Variants in GRID2 observed in about 807,000 individuals in gnomAD.
GRID2 encodes the protein glutamate receptor ionotropic, delta-2.
Under a neutral mutation model 114.8 loss-of-function variants are expected in GRID2, and 33 were observed. The ratio of observed to expected loss-of-function variants is 0.29; its 90% CI spans 0.22 to 0.38. The LOEUF (loss-of-function observed/expected upper bound fraction) is 0.38. GRID2 is among the 10% of genes least tolerant of loss of function. The pLI is 1.00. For missense variants in GRID2, 1,184 were observed against 1,257.7 expected, an observed-to-expected ratio of 0.94 and a Z score of 0.89; for synonymous variants, 505 against 449.9, an observed-to-expected ratio of 1.12 and a Z score of -1.55.
At chr4:93,720,821 T>C (rs1385509620) in intron 14 of GRID2, among the ~76,000 whole-genome samples, 3 of 152,348 alleles carry the variant, frequency 2.0e-5, no homozygotes, top group East Asian at 1.9e-4. Context: ...ATGATGGGAC[T>C]AATAGATACC....
chr4:93,738,490 A>C (rs1487011653), intron 14 of GRID2, among the ~76,000 whole-genome samples: 1 of 152,156 alleles, frequency 6.6e-6, no homozygotes, highest in East Asian at 1.9e-4. Flanking sequence ...GTGGAGGCGC[A>C]ACAAGAGGGT....
At chr4:93,469,541 G>T (rs1171326742) in intron 11 of GRID2, among the ~76,000 whole-genome samples, 1 of 151,460 alleles carries the variant, frequency 6.6e-6, no homozygotes, top group African/African-American at 2.4e-5. Context: ...GCATTCTTTT[G>T]CTTCACTCAC....
chr4:92,602,841 G>T (rs537509471), intron 2 of GRID2, among the ~76,000 whole-genome samples: 1 of 152,154 alleles, frequency 6.6e-6, no homozygotes, highest in Non-Finnish European at 1.5e-5. Context: ...AAGCTAATAA[G>T]CAACTTCAAC....
intron 9 of GRID2, among the ~76,000 whole-genome samples, chr4:93,420,788 C>A (rs1768193494): frequency 6.6e-6 from 1 of 151,466 alleles, no homozygotes. Context: ...CAGTCTCACT[C>A]TGTTGCCCAG....
chr4:93,028,468 T>C (rs888456676), intron 2 of GRID2, among the ~76,000 whole-genome samples: 2 of 151,994 alleles, frequency 1.3e-5, no homozygotes, highest in African/African-American at 4.8e-5. Context: ...AAAGGTAAAT[T>C]ACCTAGCGCC....
chr4:93,768,365 C>G (rs1733843718), intron 14 of GRID2, among the ~76,000 whole-genome samples: 1 of 152,162 alleles, frequency 6.6e-6, no homozygotes, highest in Non-Finnish European at 1.5e-5. Flanking sequence ...CTAGGCTGGC[C>G]TCAGGTAGAG....
chr4:93,018,208 C>T (rs1578763892), intron 2 of GRID2, among the ~76,000 whole-genome samples: 1 of 125,102 alleles, frequency 8.0e-6, no homozygotes, highest in Non-Finnish European at 1.6e-5. Context: ...TTTAAGTTCC[C>T]AGTGTATTTT....
intron 10 of GRID2, among the ~76,000 whole-genome samples, chr4:93,440,513 G>A (rs1475202837): frequency 6.6e-6 from 1 of 151,954 alleles, no homozygotes; most frequent in Admixed American, 6.6e-5. Flanking sequence ...AAATACATGT[G>A]GTCATAAGAA....
intron 2 of GRID2, among the ~76,000 whole-genome samples, chr4:92,962,831 A>G (rs1352486548): frequency 6.6e-6 from 1 of 151,966 alleles, no homozygotes; most frequent in Non-Finnish European, 1.5e-5. Flanking sequence ...AGGTTTTCCT[A>G]TAGCCCAGCA....
chr4:93,344,427 C>T (rs1759979667), intron 8 of GRID2, among the ~76,000 whole-genome samples: 1 of 151,510 alleles, frequency 6.6e-6, no homozygotes, highest in South Asian at 2.1e-4. Flanking sequence ...TTTTTCCCCC[C>T]TCAGCTTTAT....
At chr4:93,667,791 G>A (rs1358920434) in intron 14 of GRID2, among the ~76,000 whole-genome samples, 2 of 151,978 alleles carry the variant, frequency 1.3e-5, no homozygotes, top group Non-Finnish European at 2.9e-5. Context: ...TCAAGGAACT[G>A]GATTTATTAA....
At chr4:92,792,664 CAA>C (rs1560594917) in intron 2 of GRID2, among the ~76,000 whole-genome samples, 1 of 151,658 alleles carries the variant, frequency 6.6e-6, no homozygotes, top group African/African-American at 2.4e-5. Context: ...TTAGTGAAAA[CAA>C]AGTTTGTGAT....
chr4:92,842,850 T>C (rs1743009309), intron 2 of GRID2, among the ~76,000 whole-genome samples: 1 of 152,098 alleles, frequency 6.6e-6, no homozygotes, highest in Non-Finnish European at 1.5e-5. Flanking sequence ...AGAGAGCAGA[T>C]ATCAAACATC....
chr4:93,360,674 A>G (rs1761804853), intron 8 of GRID2, among the ~76,000 whole-genome samples: 1 of 151,964 alleles, frequency 6.6e-6, no homozygotes, highest in Admixed American at 6.6e-5. Flanking sequence ...TGTTGCAAAT[A>G]TAAGGTCAAT....
chr4:93,470,929 C>T (rs1336266081), intron 11 of GRID2, among the ~76,000 whole-genome samples: 1 of 151,374 alleles, frequency 6.6e-6, no homozygotes, highest in Non-Finnish European at 1.5e-5. Flanking sequence ...AAATGTGGCT[C>T]ATTCTTAGTG....
chr4:93,075,286 G>A (rs6844749), intron 2 of GRID2, among the ~76,000 whole-genome samples: 1 of 152,040 alleles, frequency 6.6e-6, no homozygotes, highest in African/African-American at 2.4e-5. Context: ...CTCTATTCCT[G>A]AGCAAACTCT....
chr4:93,650,959 AT>A (rs754370371), intron 14 of GRID2, among the ~76,000 whole-genome samples: 6 of 152,174 alleles, frequency 3.9e-5, no homozygotes, highest in Non-Finnish European at 8.8e-5. Context: ...AGTTTACTGA[AT>A]GCGAAATGAT....
chr4:92,650,829 A>G (rs2149261548), intron 2 of GRID2, among the ~76,000 whole-genome samples: 1 of 152,088 alleles, frequency 6.6e-6, no homozygotes, highest in African/African-American at 2.4e-5. Context: ...AGAGAAACAG[A>G]ACCACATATA....
chr4:93,101,464 A>G (rs966599504), intron 3 of GRID2, among the ~76,000 whole-genome samples: 2 of 151,930 alleles, frequency 1.3e-5, no homozygotes, highest in African/African-American at 2.4e-5. Flanking sequence ...TCTGCTCTCT[A>G]TCTTCATGAA....
Sources: allele counts gnomAD v4.1 joint callset (sites outside exome capture counted in the v4.1 genomes callset), GRCh38; gene constraint gnomAD v4.1.1; transcripts MANE v1.5; gene names NCBI Gene and HGNC (gene_info 2026-07-23, HGNC 2026-07-21).